The following PHACTR1 variants were observed in gnomAD, a reference collection of about 807,000 sequenced individuals.
PHACTR1 encodes the protein phosphatase and actin regulator 1.
A neutral mutation model predicts 69.2 loss-of-function variants in PHACTR1; 16 were observed. That is an observed-to-expected ratio of 0.23 (90% CI 0.16 to 0.35). The LOEUF (loss-of-function observed/expected upper bound fraction) is 0.35, where lower values mean the gene tolerates loss of function less well. PHACTR1 is among the 10% of genes least tolerant of loss of function. The pLI is 1.00. For missense variants in PHACTR1, 510 were observed against 734.7 expected (o/e 0.69, Z 3.54); for synonymous variants, 312 against 284.5 (o/e 1.10, Z -0.97).
intron 4 of PHACTR1, among the ~76,000 whole-genome samples, chr6:12,942,378 A>G (rs1192250850): frequency 6.6e-6 from 1 of 152,224 alleles, no homozygotes; most frequent in African/African-American, 2.4e-5. Flanking sequence ...GCCAAGTGAT[A>G]TACTACACTT....
At chr6:13,239,575 C>T (rs974082139) in intron 10 of PHACTR1, among the ~76,000 whole-genome samples, 4 of 152,128 alleles carry the variant, frequency 2.6e-5, no homozygotes, top group East Asian at 3.9e-4. Flanking sequence ...TTGAGCAAGA[C>T]GCATTGGAAG....
At chr6:12,734,403 T>C (rs889114849) in intron 3 of PHACTR1, among the ~76,000 whole-genome samples, 16 of 152,182 alleles carry the variant, frequency 1.1e-4, no homozygotes, top group African/African-American at 3.1e-4. Flanking sequence ...AAATACTGCT[T>C]GAATTATATG....
At chr6:12,723,540 G>A (rs1238387192) in intron 3 of PHACTR1, among the ~76,000 whole-genome samples, 1 of 143,148 alleles carries the variant, frequency 7.0e-6, no homozygotes, top group Non-Finnish European at 1.5e-5. Context: ...TGTCATCTCA[G>A]GCTAAAGTAC....
chr6:13,163,281 C>A (rs544550970), intron 6 of PHACTR1, among the ~76,000 whole-genome samples: 24 of 152,280 alleles, frequency 1.6e-4, no homozygotes, highest in Admixed American at 3.9e-4. Flanking sequence ...TACATACATA[C>A]ATAAATAAGT....
chr6:13,129,326 T>G (rs1289015865), intron 5 of PHACTR1, among the ~76,000 whole-genome samples: 2 of 152,138 alleles, frequency 1.3e-5, no homozygotes. Flanking sequence ...TAACATCGAA[T>G]GTAAATGGCC....
At chr6:13,230,228 G>A in intron 10 of PHACTR1, 35 bp downstream of exon 10, 1 of 1,587,236 alleles carries the variant, frequency 6.3e-7, no homozygotes, top group Non-Finnish European at 8.6e-7. Context: ...CCCTGGCAGT[G>A]GGCCTTTAGC....
chr6:12,907,578 A>G (rs1785884322), intron 4 of PHACTR1, among the ~76,000 whole-genome samples: 1 of 152,236 alleles, frequency 6.6e-6, no homozygotes, highest in Non-Finnish European at 1.5e-5. Flanking sequence ...TCCCCAGTAC[A>G]TTCAAACATG....
chr6:13,218,410 A>T (rs1250850710), intron 8 of PHACTR1, among the ~76,000 whole-genome samples: 1 of 152,212 alleles, frequency 6.6e-6, no homozygotes, highest in Non-Finnish European at 1.5e-5. Context: ...CTCACTGTAG[A>T]TGTCTTGGCA....
intron 4 of PHACTR1, among the ~76,000 whole-genome samples, chr6:12,962,291 C>A (rs529401583): frequency 5.3e-5 from 8 of 152,204 alleles, no homozygotes; most frequent in Admixed American, 1.3e-4. Flanking sequence ...CCCATTTAAC[C>A]TTAATCATCT....
chr6:12,894,381 G>A (rs2127472704), intron 4 of PHACTR1, among the ~76,000 whole-genome samples: 1 of 152,348 alleles, frequency 6.6e-6, no homozygotes, highest in South Asian at 2.1e-4. Context: ...AAGGCAGGCA[G>A]ATCACTTGAG....
At chr6:12,787,661 A>G (rs1341213474) in intron 4 of PHACTR1, among the ~76,000 whole-genome samples, 1 of 152,188 alleles carries the variant, frequency 6.6e-6, no homozygotes, top group African/African-American at 2.4e-5. Context: ...TGGAAGGCCA[A>G]AGCTGGTGTG....
chr6:12,904,153 A>C (rs1248142597), intron 4 of PHACTR1, among the ~76,000 whole-genome samples: 2 of 152,238 alleles, frequency 1.3e-5, no homozygotes, highest in African/African-American at 4.8e-5. Context: ...TAAATAACCA[A>C]AACATACATA....
At chr6:13,041,183 A>G (rs1804080453) in intron 4 of PHACTR1, among the ~76,000 whole-genome samples, 1 of 152,184 alleles carries the variant, frequency 6.6e-6, no homozygotes, top group Admixed American at 6.5e-5. Flanking sequence ...TTACCTCTGA[A>G]AAAAGACTAA....
intron 5 of PHACTR1, among the ~76,000 whole-genome samples, chr6:13,153,944 A>G (rs1442832215): frequency 6.6e-6 from 1 of 152,144 alleles, no homozygotes; most frequent in African/African-American, 2.4e-5. Context: ...TTTTTTAACT[A>G]ATGCTTTTGC....
chr6:12,853,864 G>A (rs1236806475), intron 4 of PHACTR1, among the ~76,000 whole-genome samples: 1 of 152,138 alleles, frequency 6.6e-6, no homozygotes, highest in Non-Finnish European at 1.5e-5. Flanking sequence ...ATTTGGGTGG[G>A]GACACAGCCA....
intron 4 of PHACTR1, among the ~76,000 whole-genome samples, chr6:12,762,076 C>A (rs1431874429): frequency 6.6e-6 from 1 of 152,160 alleles, no homozygotes; most frequent in East Asian, 1.9e-4. Flanking sequence ...AGTTTTGGTG[C>A]GGGACCTATA....
chr6:12,930,202 C>T (rs771211546), intron 4 of PHACTR1, among the ~76,000 whole-genome samples: 2 of 152,064 alleles, frequency 1.3e-5, no homozygotes, highest in African/African-American at 2.4e-5. Context: ...TGCCCCAACA[C>T]CTGGCTGATT....
intron 4 of PHACTR1, among the ~76,000 whole-genome samples, chr6:13,006,723 G>T (rs1162318287): frequency 1.3e-5 from 2 of 151,992 alleles, no homozygotes; most frequent in African/African-American, 4.8e-5. Context: ...AGATCGTGTT[G>T]CAGTGAAAAC....
Position 13,053,432 on chromosome 6 carries a change from C to G in PHACTR1, c.318C>G (p.Pro106=). ...TCGTCCCAGGCACCCACACCCCACC[C>G]ATCCGCAGGAGAAGTAAGTTTGCCA... ...DSLVPGTHTP[P]IRRRSKFANL... Residue 106 remains proline, a synonymous_variant, in exon 5 of 15, where the codon CCC becomes CCG. Coordinates refer to ENST00000332995, the MANE Select transcript of PHACTR1 (RefSeq NM_030948.6). The G allele has an allele frequency of 6.2e-7, 1 of 1,613,774 alleles. No individual in the cohort carries two copies. Among genetic ancestry groups the G allele is most frequent in the Non-Finnish European group, 8.5e-7 (1 of 1,179,800 alleles).
Sources: allele counts gnomAD v4.1 joint callset (sites outside exome capture counted in the v4.1 genomes callset), GRCh38; gene constraint gnomAD v4.1.1; transcripts MANE v1.5; gene names NCBI Gene and HGNC (gene_info 2026-07-23, HGNC 2026-07-21).